The following ANO3 variants were observed in gnomAD, a reference collection of about 807,000 sequenced individuals.
The protein encoded by ANO3 is anoctamin 3, also known as anoctamin-3.
In ANO3, 99 loss-of-function variants were observed where a neutral mutation model predicts 144.8. That is an observed-to-expected ratio of 0.68 (90% CI 0.58 to 0.81). ANO3 has a LOEUF of 0.81. ANO3 is among the 30% of genes least tolerant of loss of function. ANO3 has a pLI of 0.00. For synonymous variants in ANO3, 414 were observed against 392.6 expected (o/e 1.05, Z -0.64); for missense variants, 905 against 1,202.2 (o/e 0.75, Z 3.66).
In ANO3 at chr11:26,197,217, TG is replaced by T. The variant is rs1418142067; in HGVS notation, c.154+7888del. 2.0e-5 allele frequency among the ~76,000 whole-genome samples: 3 copies of T among 152,070 alleles called. No homozygotes were observed. The East Asian group carries it at 5.8e-4, about 29-fold the overall frequency. On this transcript the variant is annotated intron_variant, in intron 1 of 27. Coordinates refer to the ANO3 transcript ENST00000672621. Reference sequence around the variant, plus strand: ...TAGAAGTCAGTATCAGTACCTTATGTGATAGATGGTTACAAAGAAGGAGAAG... The same window carrying T: ...TAGAAGTCAGTATCAGTACCTTATGTATAGATGGTTACAAAGAAGGAGAAG...
intron 17 of ANO3, among the ~76,000 whole-genome samples, chr11:26,623,526 A>T (rs61878610): frequency 0.14 from 20,685 of 152,054 alleles, 1,728 homozygotes; most frequent in South Asian, 0.18. Context: ...TATATAGGAG[A>T]GGGGAAAAGA....
At chr11:26,448,336 A>G (rs1273394681) in intron 3 of ANO3, among the ~76,000 whole-genome samples, 1 of 151,594 alleles carries the variant, frequency 6.6e-6, no homozygotes, top group Non-Finnish European at 1.5e-5. Context: ...TTTAGGGCTC[A>G]CTAAGACCAG....
intron 3 of ANO3, among the ~76,000 whole-genome samples, chr11:26,449,898 G>A (rs1271088121): frequency 8.7e-4 from 132 of 151,990 alleles, no homozygotes; most frequent in Non-Finnish European, 1.8e-4. Context: ...GGGATTACAG[G>A]TGCCTACCAC....
At chr11:26,231,720 T>C (rs1852403831) in intron 1 of ANO3, among the ~76,000 whole-genome samples, 1 of 152,200 alleles carries the variant, frequency 6.6e-6, no homozygotes, top group African/African-American at 2.4e-5. Context: ...ATGGGAATAA[T>C]AGGCCCTGTC....
intron 1 of ANO3, among the ~76,000 whole-genome samples, chr11:26,298,067 C>T (rs1427233935): frequency 6.6e-6 from 1 of 152,186 alleles, no homozygotes; most frequent in Non-Finnish European, 1.5e-5. Context: ...TTTTTCTCTT[C>T]TCTGCCTGGA....
chr11:26,252,169 A>G (rs1202681102), intron 1 of ANO3, among the ~76,000 whole-genome samples: 1 of 152,234 alleles, frequency 6.6e-6, no homozygotes, highest in Non-Finnish European at 1.5e-5. Flanking sequence ...AAGGAGACTG[A>G]AAAAGTCACG....
At chr11:26,614,579 A>G (rs1468744899) in intron 17 of ANO3, among the ~76,000 whole-genome samples, 2 of 152,150 alleles carry the variant, frequency 1.3e-5, no homozygotes, top group African/African-American at 4.8e-5. Flanking sequence ...GTCTCTTACA[A>G]TGAGGCAATG....
intron 4 of ANO3, among the ~76,000 whole-genome samples, chr11:26,469,324 ATG>A (rs1363301012): frequency 2.0e-5 from 3 of 151,856 alleles, no homozygotes; most frequent in Non-Finnish European, 4.4e-5. Flanking sequence ...GTGTGCATGT[ATG>A]TGTGTGTGCA....
intron 1 of ANO3, among the ~76,000 whole-genome samples, chr11:26,408,366 A>G (rs1158067563): frequency 2.0e-5 from 3 of 152,034 alleles, no homozygotes; most frequent in Non-Finnish European, 2.9e-5. Context: ...CAAAAAACAC[A>G]TGAAAAAATG....
chr11:26,645,025 G>A (rs1168335520), intron 23 of ANO3, among the ~76,000 whole-genome samples: 1 of 149,972 alleles, frequency 6.7e-6, no homozygotes, highest in African/African-American at 2.4e-5. Flanking sequence ...TTCTTAAAAA[G>A]GTACTTTAGA....
At chr11:26,631,655 TGAG>T (rs1388181340) in intron 18 of ANO3, among the ~76,000 whole-genome samples, 2 of 151,944 alleles carry the variant, frequency 1.3e-5, no homozygotes, top group Non-Finnish European at 2.9e-5. Flanking sequence ...GACTGACACT[TGAG>T]GAGTAAAAGC....
chr11:26,219,857 T>C (rs1471126522), intron 1 of ANO3, among the ~76,000 whole-genome samples: 2 of 152,190 alleles, frequency 1.3e-5, no homozygotes, highest in East Asian at 1.9e-4. Flanking sequence ...CTTAAATGCA[T>C]GTGCCGCACT....
chr11:26,516,600 C>T (rs1173082458), intron 5 of ANO3, among the ~76,000 whole-genome samples: 2 of 151,904 alleles, frequency 1.3e-5, no homozygotes, highest in East Asian at 3.9e-4. Context: ...TAAGAAAATG[C>T]ACTAATGCAC....
chr11:26,233,216 C>CAAAAAAA (rs56234101), intron 1 of ANO3, among the ~76,000 whole-genome samples: 1 of 118,480 alleles, frequency 8.4e-6, no homozygotes, highest in Non-Finnish European at 1.7e-5. Context: ...GACTCCGTCT[C>CAAAAAAA]AAAAAAAAAA....
chr11:26,486,134 C>T (rs558876435), intron 4 of ANO3, among the ~76,000 whole-genome samples: 99 of 152,108 alleles, frequency 6.5e-4, no homozygotes, highest in African/African-American at 2.3e-3. Context: ...GAGGCCAAGG[C>T]AGGTGATCAT....
chr11:26,643,481 C>A, intron 23 of ANO3, 147 bp downstream of exon 23: 14 of 992,160 alleles, frequency 1.4e-5, no homozygotes, highest in Non-Finnish European at 2.0e-5. Context: ...GCTGGCCGGG[C>A]GTGGTGGCTC....
At chr11:26,463,213 C>T (rs945499641) in intron 4 of ANO3, 65 bp downstream of exon 4, 10 of 812,738 alleles carry the variant, frequency 1.2e-5, no homozygotes, top group Non-Finnish European at 1.9e-5. Context: ...TTACAATATT[C>T]ATCTACATAT....
At chr11:26,315,877 T>C (rs1854614787) in intron 1 of ANO3, among the ~76,000 whole-genome samples, 2 of 152,172 alleles carry the variant, frequency 1.3e-5, no homozygotes, top group Non-Finnish European at 1.5e-5. Context: ...CTTAAAATGT[T>C]TGATAGAGGG....
intron 4 of ANO3, among the ~76,000 whole-genome samples, chr11:26,483,959 A>G (rs963753615): frequency 1.3e-5 from 2 of 152,194 alleles, no homozygotes; most frequent in Admixed American, 6.5e-5. Context: ...ACTTGAGTAA[A>G]TGTCACTTTT....
Sources: gnomAD v4.1 joint callset for allele counts (sites outside exome capture counted in the v4.1 genomes callset) on GRCh38, gnomAD v4.1.1 for gene constraint, MANE v1.5 for transcripts, NCBI Gene and HGNC (gene_info 2026-07-23, HGNC 2026-07-21) for gene names.